CCDC125: variants seen among roughly 807,000 people sequenced by gnomAD.
The protein encoded by CCDC125 is coiled-coil domain containing 125.
Under a neutral mutation model 57.4 loss-of-function variants are expected in CCDC125, and 43 were observed. The observed-to-expected ratio is 0.75, with a 90% confidence interval of 0.59 to 0.97. The LOEUF (loss-of-function observed/expected upper bound fraction) is 0.97. CCDC125 is among the 50% of genes least tolerant of loss of function. The pLI is 0.00. For missense variants in CCDC125, 563 were observed against 595.7 expected (o/e 0.95, Z 0.57); for synonymous variants, 187 against 195.2 (o/e 0.96, Z 0.35).
At chr5:69,288,732 G>A (rs986973021) in intron 10 of CCDC125, among the ~76,000 whole-genome samples, 1 of 152,214 alleles carries the variant, frequency 6.6e-6, no homozygotes, top group Admixed American at 6.5e-5. Context: ...ACAACTCTGT[G>A]CTTTTGACTG....
At chr5:69,318,197 G>T (rs1342258921) in intron 2 of CCDC125, among the ~76,000 whole-genome samples, 1 of 151,188 alleles carries the variant, frequency 6.6e-6, no homozygotes, top group Non-Finnish European at 1.5e-5. Flanking sequence ...GGTCAGGCTG[G>T]TCTGAAACTC....
At chr5:69,288,928 G>A (rs1420669882) in intron 10 of CCDC125, among the ~76,000 whole-genome samples, 1 of 152,204 alleles carries the variant, frequency 6.6e-6, no homozygotes, top group Non-Finnish European at 1.5e-5. Context: ...TGTGTGAATA[G>A]GAAAACACTT....
intron 8 of CCDC125, among the ~76,000 whole-genome samples, chr5:69,298,129 C>T (rs1388757494): frequency 1.3e-5 from 2 of 151,762 alleles, no homozygotes; most frequent in African/African-American, 4.8e-5. Context: ...GATTCTCCTG[C>T]CTCAGCCTCC....
intron 1 of CCDC125, among the ~76,000 whole-genome samples, chr5:69,320,808 T>C (rs753759766): frequency 3.3e-5 from 5 of 151,788 alleles, no homozygotes; most frequent in South Asian, 4.2e-4. Context: ...TGTGTGTGTG[T>C]GCGTGTGCGT....
At chr5:69,310,919 A>T (rs1292310077) in intron 4 of CCDC125, 199 bp downstream of exon 4, 1 of 338,218 alleles carries the variant, frequency 3.0e-6, no homozygotes, top group East Asian at 5.5e-5. Flanking sequence ...TACAACTCTT[A>T]TATCTAGTAA....
At chr5:69,322,569 A>G (rs949178328) in intron 1 of CCDC125, among the ~76,000 whole-genome samples, 5 of 151,440 alleles carry the variant, frequency 3.3e-5, no homozygotes, top group Non-Finnish European at 7.4e-5. Context: ...ACAAAAAAAA[A>G]ATTTTTTTTT....
At chr5:69,276,027 C>CT (rs905393838), downstream of CCDC125, among the ~76,000 whole-genome samples, 1 of 151,984 alleles carries the variant, frequency 6.6e-6, no homozygotes, top group Admixed American at 6.6e-5. Context: ...AGAAGGGAGT[C>CT]TTTTTTTCTT....
rs1462911644 is a variant in CCDC125, at chr5:69,288,845, A to G, written c.1099+3343T>C. On this transcript the variant is annotated intron_variant, in intron 10 of 11. Transcript: ENST00000396496. The stretch of plus-strand genomic sequence containing the variant: ...TGAGAATTGAGGGAAATGATAGGAT[A>G]CCCAGCTGGTGTGTGGGGAATCCCC... 2.6e-5 allele frequency among the ~76,000 whole-genome samples: 4 copies of G among 152,186 alleles called. No homozygotes were observed. The South Asian group carries it at 8.3e-4, about 32-fold the overall frequency.
intron 11 of CCDC125, among the ~76,000 whole-genome samples, chr5:69,285,136 A>ACAAAG (rs75777144): frequency 1.3e-5 from 2 of 151,410 alleles, no homozygotes; most frequent in African/African-American, 4.8e-5. Context: ...ACAAAACAAA[A>ACAAAG]AAATACACTA....
intron 2 of CCDC125, among the ~76,000 whole-genome samples, chr5:69,314,618 C>G (rs1489617378): frequency 6.6e-6 from 1 of 152,018 alleles, no homozygotes; most frequent in East Asian, 1.9e-4. Context: ...CAAGCCTAGG[C>G]AACACAGACC....
intron 9 of CCDC125, chr5:69,294,058 TGCAAACCTAG>T (rs1754931941): frequency 9.6e-6 from 7 of 729,432 alleles, no homozygotes; most frequent in Non-Finnish European, 1.2e-5. Flanking sequence ...GGAGCAAAGA[TGCAAACCTAG>T]GTCTGGCTGG....
intron 10 of CCDC125, among the ~76,000 whole-genome samples, chr5:69,291,663 A>C (rs1754485052): frequency 6.6e-6 from 1 of 152,102 alleles, no homozygotes; most frequent in South Asian, 2.1e-4. Flanking sequence ...CCTGGCCATA[A>C]ATTTTTGATG....
At chr5:69,307,833 G>A in intron 5 of CCDC125, 118 bp downstream of exon 5, 5 of 734,274 alleles carry the variant, frequency 6.8e-6, no homozygotes, top group South Asian at 3.1e-5. Context: ...CATCAGAACT[G>A]AAGCACACCT....
At chr5:69,276,352 C>T (rs889937725), downstream of CCDC125, among the ~76,000 whole-genome samples, 1 of 152,146 alleles carries the variant, frequency 6.6e-6, no homozygotes, top group Non-Finnish European at 1.5e-5. Context: ...AATTATCAGC[C>T]AATCTTAGGA....
intron 10 of CCDC125, among the ~76,000 whole-genome samples, chr5:69,291,069 T>C (rs181816265): frequency 1.3e-5 from 2 of 152,334 alleles, no homozygotes; most frequent in African/African-American, 4.8e-5. Context: ...TAAGAAAATA[T>C]TTAGAAATAC....
At position 69,330,747 on chromosome 5, in the gene CCDC125, A is replaced by C. The variant is rs143816681; in HGVS notation, c.-41+1902T>G. ...TGGTCTTCACATGCCTTCAGTTGCT[A>C]GGTCTTCTAGACCCAAAAAAATCTC... On this transcript the variant is annotated intron_variant, in intron 1 of 11. Transcript: ENST00000396496. 4.2e-3 allele frequency among the ~76,000 whole-genome samples: 639 copies of C among 152,260 alleles called. 8 individuals are homozygous for C. Among genetic ancestry groups the C allele is most frequent in the African/African-American group, 0.015 (606 of 41,562 alleles).
Position 69,282,845 on chromosome 5 carries a change from T to C in CCDC125, c.1420A>G (p.Ser474Gly), listed in dbSNP as rs767411339. ...FSVLGDPIHS[S>G]VCILNSVGCI... is the part of the protein sequence containing the mutation. Reference sequence around the variant, plus strand: ...CCCACAGAATTTAAAATGCAGACACTTGAATGTATAGGATCACCCAAAACA... The same window carrying C: ...CCCACAGAATTTAAAATGCAGACACCTGAATGTATAGGATCACCCAAAACA... The change falls in exon 12 of 12, where the codon AGT becomes GGT. Residue 474 changes from serine to glycine, a missense_variant. Transcript: ENST00000396496. 4.4e-5 allele frequency: 71 copies of C among 1,613,986 alleles called. No individual in the cohort carries two copies. In the South Asian group the frequency reaches 5.5e-4, roughly 12 times the overall value.
At chr5:69,324,994 G>A (rs1041470760) in intron 1 of CCDC125, among the ~76,000 whole-genome samples, 5 of 152,210 alleles carry the variant, frequency 3.3e-5, no homozygotes, top group African/African-American at 4.8e-5. Flanking sequence ...CTGGGGTAAT[G>A]GAAAACTTCT....
At chr5:69,294,395 C>T (rs1297730500) in intron 9 of CCDC125, among the ~76,000 whole-genome samples, 1 of 151,816 alleles carries the variant, frequency 6.6e-6, no homozygotes, top group Non-Finnish European at 1.5e-5. Flanking sequence ...GCAACCTCCG[C>T]CTCCCGGATT....
Sources: gnomAD v4.1 joint callset for allele counts (sites outside exome capture counted in the v4.1 genomes callset) on GRCh38, gnomAD v4.1.1 for gene constraint, MANE v1.5 for transcripts, NCBI Gene and HGNC (gene_info 2026-07-23, HGNC 2026-07-21) for gene names.